The following LSAMP variants were observed in gnomAD, a reference collection of about 807,000 sequenced individuals.
LSAMP encodes the protein limbic system associated membrane protein, also known as limbic system-associated membrane protein.
Under a neutral mutation model 38.6 loss-of-function variants are expected in LSAMP, and 7 were observed. The ratio of observed to expected loss-of-function variants is 0.18; its 90% CI spans 0.10 to 0.34. The LOEUF is 0.34. Ranked by LOEUF, LSAMP falls within the 10% of genes least tolerant of loss-of-function variation. The pLI is 1.00. For missense variants in LSAMP, 313 were observed against 420.0 expected (o/e 0.75, Z 2.23); for synonymous variants, 154 against 166.8 (o/e 0.92, Z 0.59).
intron 1 of LSAMP, among the ~76,000 whole-genome samples, chr3:116,118,083 G>T (rs1708793706): frequency 1.3e-5 from 2 of 152,038 alleles, no homozygotes; most frequent in South Asian, 2.1e-4. Context: ...TGTGGGTAGG[G>T]TCTTAGTATT....
chr3:116,206,720 G>A (rs1475961594), intron 1 of LSAMP, among the ~76,000 whole-genome samples: 2 of 151,898 alleles, frequency 1.3e-5, no homozygotes, highest in East Asian at 3.9e-4. Flanking sequence ...AGTTTTGAGT[G>A]AGATTCTTAA....
chr3:116,432,574 T>A (rs931204844), intron 1 of LSAMP, among the ~76,000 whole-genome samples: 1 of 151,606 alleles, frequency 6.6e-6, no homozygotes. Flanking sequence ...TAGGATTTTT[T>A]AAAAAAATTG....
chr3:116,148,116 C>CTT (rs59321353), intron 1 of LSAMP, among the ~76,000 whole-genome samples: 59 of 142,042 alleles, frequency 4.2e-4, no homozygotes, highest in African/African-American at 1.4e-3. Flanking sequence ...AAAACATGTG[C>CTT]TTTTTTTTTT....
chr3:115,854,708 A>T (rs1935452737), intron 3 of LSAMP, among the ~76,000 whole-genome samples: 1 of 152,190 alleles, frequency 6.6e-6, no homozygotes, highest in South Asian at 2.1e-4. Context: ...TTGAAGGGGT[A>T]AAAAGATCTT....
At chr3:115,909,993 A>C (rs572867269) in intron 3 of LSAMP, among the ~76,000 whole-genome samples, 1 of 152,298 alleles carries the variant, frequency 6.6e-6, no homozygotes, top group East Asian at 1.9e-4. Flanking sequence ...TCATTGACGC[A>C]ATGTGCTCAT....
At chr3:116,008,603 C>T (rs1403068123) in intron 3 of LSAMP, among the ~76,000 whole-genome samples, 1 of 152,172 alleles carries the variant, frequency 6.6e-6, no homozygotes, top group Non-Finnish European at 1.5e-5. Context: ...TCTGATGTAG[C>T]AGGTACAGCA....
intron 3 of LSAMP, among the ~76,000 whole-genome samples, chr3:115,984,220 AAAG>A (rs1014191740): frequency 4.0e-5 from 6 of 151,706 alleles, no homozygotes; most frequent in African/African-American, 1.5e-4. Context: ...TGCTATTCAC[AAAG>A]AAAAAAAAAA....
At chr3:116,186,965 G>C (rs1247400410) in intron 1 of LSAMP, among the ~76,000 whole-genome samples, 1 of 152,126 alleles carries the variant, frequency 6.6e-6, no homozygotes, top group Non-Finnish European at 1.5e-5. Context: ...GGGGCAACCA[G>C]GTGGTGGGAG....
chr3:116,198,615 C>CA lies in LSAMP; in HGVS notation c.156-112060dup, dbSNP rs113357974. ...AAACCCCGTCTCTACTAAAAAAATA[C>CA]AAAAAATTAGCCGGGCTTCGTAGCG... On this transcript the variant is annotated intron_variant, in intron 1 of 6. Coordinates refer to ENST00000490035, the MANE Select transcript of LSAMP (RefSeq NM_002338.5). Among the ~76,000 whole-genome samples, 614 of 151,586 alleles carry CA rather than the reference C, an allele frequency of 4.1e-3. 7 individuals are homozygous for CA. The highest frequency in any genetic ancestry group is 0.014 in the African/African-American group (576 of 41,338).
intron 1 of LSAMP, among the ~76,000 whole-genome samples, chr3:116,400,160 T>A (rs1278876706): frequency 6.6e-6 from 1 of 152,124 alleles, no homozygotes; most frequent in Non-Finnish European, 1.5e-5. Context: ...TAGCTGACTA[T>A]TTTGTTCTTG....
intron 1 of LSAMP, among the ~76,000 whole-genome samples, chr3:116,381,743 A>C (rs928905037): frequency 1.3e-5 from 2 of 152,104 alleles, no homozygotes; most frequent in Non-Finnish European, 2.9e-5. Context: ...TACTTTCATA[A>C]AGTTGACTAC....
rs386397689 is a variant in LSAMP, at chr3:116,116,532, TAAA to T, written c.156-29979_156-29977del. Among the ~76,000 whole-genome samples the T allele has an allele frequency of 8.3e-4, 92 of 110,782 alleles. 1 individual carries two copies. Among genetic ancestry groups the T allele is most frequent in the Non-Finnish European group, 4.0e-4 (21 of 52,904 alleles). The allele number at this position is 110,782 out of a possible 152,430, so 72.7% of individuals were successfully genotyped here. ...TAACACGGTGAAACCCCATCTCTAC[TAAA>T]AAAAAAAAAAAAAAAATACAAAATA... On this transcript the variant is annotated intron_variant, in intron 1 of 6. Transcript: ENST00000490035.
At chr3:116,214,481 T>C (rs1272865823) in intron 1 of LSAMP, among the ~76,000 whole-genome samples, 2 of 145,012 alleles carry the variant, frequency 1.4e-5, no homozygotes, top group Non-Finnish European at 3.0e-5. Context: ...AGCCCTCAAA[T>C]AAAGAGTAAA....
chr3:116,418,738 T>A (rs2049084165), intron 1 of LSAMP, among the ~76,000 whole-genome samples: 1 of 152,210 alleles, frequency 6.6e-6, no homozygotes, highest in Admixed American at 6.5e-5. Context: ...AACTAATTCT[T>A]GTCTACATTT....
intron 1 of LSAMP, among the ~76,000 whole-genome samples, chr3:116,438,753 G>A (rs887811821): frequency 1.3e-5 from 2 of 152,170 alleles, no homozygotes; most frequent in Non-Finnish European, 2.9e-5. Context: ...ATGAGAGACA[G>A]CACAGAATAA....
chr3:115,860,397 T>A (rs1359228703), intron 3 of LSAMP, among the ~76,000 whole-genome samples: 1 of 152,224 alleles, frequency 6.6e-6, no homozygotes, highest in South Asian at 2.1e-4. Flanking sequence ...TGCTGAAGGA[T>A]GCTACAGTTG....
rs1243494247 is a variant in LSAMP, at chr3:116,210,289, A to G, written c.156-123733T>C. Among the ~76,000 whole-genome samples the G allele has an allele frequency of 2.6e-5, 4 of 152,080 alleles. No homozygotes were observed. In the East Asian group the frequency reaches 7.7e-4, roughly 29 times the overall value. ...GTTGCCAAGGGAGTTTAACATTTGA[A>G]TTAGTGGGTTTGGAGAGGCAGATCC... is the stretch of plus-strand genomic sequence containing the variant. On this transcript the variant is annotated intron_variant, in intron 1 of 6. Coordinates refer to ENST00000490035, the MANE Select transcript of LSAMP (RefSeq NM_002338.5).
chr3:116,084,253 T>C (rs1021836159), intron 2 of LSAMP, among the ~76,000 whole-genome samples: 6 of 152,122 alleles, frequency 3.9e-5, no homozygotes, highest in Non-Finnish European at 7.4e-5. Flanking sequence ...TAATTTCATT[T>C]GCACTGCCAT....
At chr3:116,216,332 T>A (rs1251694404) in intron 1 of LSAMP, among the ~76,000 whole-genome samples, 5 of 152,176 alleles carry the variant, frequency 3.3e-5, no homozygotes, top group African/African-American at 1.2e-4. Context: ...TGACATTCTT[T>A]AGGTGCCAGA....
Sources: allele counts gnomAD v4.1 joint callset (sites outside exome capture counted in the v4.1 genomes callset), GRCh38; gene constraint gnomAD v4.1.1; transcripts MANE v1.5; gene names NCBI Gene and HGNC (gene_info 2026-07-23, HGNC 2026-07-21).